Variants in PLEKHM1 observed in about 807,000 individuals in gnomAD.
The protein encoded by PLEKHM1 is pleckstrin homology and RUN domain containing M1, also known as pleckstrin homology domain-containing family M member 1.
PLEKHM1 carries 28 observed loss-of-function variants against 94.3 expected under a neutral mutation model. The ratio of observed to expected loss-of-function variants is 0.30; its 90% CI spans 0.22 to 0.41. The LOEUF is 0.41. PLEKHM1 is among the 10% of genes least tolerant of loss of function. The pLI, the probability that PLEKHM1 is intolerant of heterozygous loss-of-function variation, is 1.00. For missense variants in PLEKHM1, 907 were observed against 1,358.6 expected (o/e 0.67, Z 5.22); for synonymous variants, 424 against 581.2 (o/e 0.73, Z 3.89).
chr17:45,488,751 C>T (rs2052211302), intron 1 of PLEKHM1, among the ~76,000 whole-genome samples: 1 of 152,066 alleles, frequency 6.6e-6, no homozygotes, highest in Non-Finnish European at 1.5e-5. Context: ...CCAGCCTGAT[C>T]AACACAGAGA....
At chr17:45,456,762 G>C (rs1464763935) in intron 6 of PLEKHM1, among the ~76,000 whole-genome samples, 1 of 152,238 alleles carries the variant, frequency 6.6e-6, no homozygotes, top group African/African-American at 2.4e-5. Flanking sequence ...ACCAATTCTA[G>C]AGCGTACTTT....
In PLEKHM1 at chr17:45,453,514, A is replaced by G. The variant is rs1175641697; in HGVS notation, c.2338T>C (p.Leu780=). The G allele has an allele frequency of 1.2e-6, 2 of 1,609,628 alleles. No individual in the cohort carries two copies. The highest frequency in any genetic ancestry group is 1.7e-6 in the Non-Finnish European group (2 of 1,177,800). ...GTCACCGCCTCCTCGGCTGTCTCCA[A>G]GTAGGATGCCAGGACTTTGCGGACC... ...DLVRKVLASY[L]ETAEEAVTLG... is the part of the protein sequence containing the mutation. Residue 780 remains leucine, a synonymous_variant, in exon 7 of 12, where the codon TTG becomes CTG. Transcript: ENST00000430334. This position sits in a 1 kb window ranked among gnomAD's most constrained non-coding sequence, Gnocchi z 4.1.
At chr17:45,479,472 C>A (rs1388193005) in intron 2 of PLEKHM1, among the ~76,000 whole-genome samples, 2 of 149,804 alleles carry the variant, frequency 1.3e-5, no homozygotes, top group Non-Finnish European at 3.0e-5. Flanking sequence ...GAGCCAAGAT[C>A]GCACCACTGC....
In PLEKHM1 at chr17:45,436,802, A is replaced by C. The variant is rs762239592; in HGVS notation, c.*1056T>G. On this transcript the variant is annotated 3_prime_UTR_variant, in exon 12 of 12. Coordinates refer to ENST00000430334, the MANE Select transcript of PLEKHM1 (RefSeq NM_014798.3). The stretch of plus-strand genomic sequence containing the variant: ...GAGGTGGTGGCTGCATCCACAGGGC[A>C]GTTCCCCCGCACGCCCTGCACAGCT... 18 of 453,984 alleles carry C rather than the reference A, an allele frequency of 4.0e-5. No homozygotes were observed. The East Asian group carries it at 1.2e-3, about 30-fold the overall frequency. 28.1% of individuals were successfully genotyped at this position (453,984 alleles called of 1,614,324 possible).
chr17:45,488,903 C>A (rs183191465), intron 1 of PLEKHM1, among the ~76,000 whole-genome samples: 2 of 152,286 alleles, frequency 1.3e-5, no homozygotes, highest in East Asian at 3.9e-4. Context: ...CATGCCACTG[C>A]ACTCCAGGCT....
At chr17:45,484,835 C>G (rs1227740311) in intron 1 of PLEKHM1, among the ~76,000 whole-genome samples, 3 of 151,572 alleles carry the variant, frequency 2.0e-5, no homozygotes, top group Non-Finnish European at 4.4e-5. Context: ...TCCTGGACAG[C>G]CCTGGAGCAG....
chr17:45,473,509 C>T (rs1156716731), intron 4 of PLEKHM1, among the ~76,000 whole-genome samples: 2 of 152,030 alleles, frequency 1.3e-5, no homozygotes, highest in South Asian at 2.1e-4. Context: ...TGTGTATATA[C>T]TGCCTTTGTA....
At chr17:45,435,029 G>A (rs2050226766), downstream of PLEKHM1, among the ~76,000 whole-genome samples, 1 of 150,554 alleles carries the variant, frequency 6.6e-6, no homozygotes, top group Non-Finnish European at 1.5e-5. Flanking sequence ...GGGGCGCTTT[G>A]CTGAGGCTGG....
At chr17:45,487,711 A>G (rs1227261451) in intron 1 of PLEKHM1, 1 of 455,960 alleles carries the variant, frequency 2.2e-6, no homozygotes, top group Non-Finnish European at 4.4e-6. Flanking sequence ...AAAGAGAATG[A>G]CTTGGATGAG....
intron 1 of PLEKHM1, among the ~76,000 whole-genome samples, chr17:45,486,165 C>T (rs1200160571): frequency 6.9e-6 from 1 of 145,046 alleles, no homozygotes; most frequent in Non-Finnish European, 1.5e-5. Flanking sequence ...TGCAGTGAGC[C>T]GAGATCCCGC....
At chr17:45,490,418 C>T (rs2052276926) in intron 1 of PLEKHM1, among the ~76,000 whole-genome samples, 1 of 150,578 alleles carries the variant, frequency 6.6e-6, no homozygotes, top group Non-Finnish European at 1.5e-5. Flanking sequence ...GATGCGGGCG[C>T]GGGCTGGGGG....
intron 1 of PLEKHM1, among the ~76,000 whole-genome samples, chr17:45,485,946 G>A (rs936741857): frequency 2.0e-5 from 3 of 151,214 alleles, no homozygotes; most frequent in African/African-American, 4.9e-5. Context: ...GCATGGCGCC[G>A]TGGCTCACGC....
Position 45,477,980 on chromosome 17 carries a change from T to G in PLEKHM1, c.216A>C (p.Gly72=), listed in dbSNP as rs754277419. ...LHAKHIRAEA[G]GKRKKSAHQK... ...GGTGGGCACTTTTCTTCCTTTTTCC[T>G]CCGGCCTCAGCTCGGATGTGCTTGG... The change falls in exon 3 of 12, where the codon GGA becomes GGC. Residue 72 remains glycine (G), a synonymous_variant. Transcript: ENST00000430334. 1.5e-5 allele frequency: 25 copies of G among 1,613,896 alleles called. No individual in the cohort carries two copies. In the East Asian group the frequency reaches 5.6e-4, roughly 36 times the overall value.
chr17:45,485,355 A>G (rs534749274), intron 1 of PLEKHM1, among the ~76,000 whole-genome samples: 87 of 152,054 alleles, frequency 5.7e-4, no homozygotes, highest in African/African-American at 2.0e-3. Context: ...CCAGTCCACA[A>G]TTTCCAGTGG....
intron 8 of PLEKHM1, among the ~76,000 whole-genome samples, chr17:45,448,709 G>A (rs562820194): frequency 6.6e-6 from 1 of 152,130 alleles, no homozygotes; most frequent in South Asian, 2.1e-4. Flanking sequence ...CACAGACACT[G>A]TTGTTAACCC....
rs900379383 is a variant in PLEKHM1 at position 45,453,213 on chromosome 17, C to T, written c.2497+142G>A. Reference sequence around the variant, plus strand: ...CTGGGGAGGAGCAGAAGCTGTAGGGCAAGCCTGATCTGTGGCCTCATCCCT... The same window carrying T: ...CTGGGGAGGAGCAGAAGCTGTAGGGTAAGCCTGATCTGTGGCCTCATCCCT... On this transcript the variant is annotated intron_variant, in intron 7 of 11. Coordinates refer to ENST00000430334, the MANE Select transcript of PLEKHM1 (RefSeq NM_014798.3). The surrounding 1 kb of genome is among the most constrained non-coding windows in gnomAD (Gnocchi z 4.1). The T allele has an allele frequency of 3.7e-5, 26 of 712,258 alleles. No individual in the cohort carries two copies. In the African/African-American group the frequency reaches 3.7e-4, roughly 10 times the overall value. The allele number at this position is 712,258 out of a possible 1,614,324, so 44.1% of individuals were successfully genotyped here.
chr17:45,483,913 C>A (rs1197407293), intron 1 of PLEKHM1, among the ~76,000 whole-genome samples: 1 of 152,182 alleles, frequency 6.6e-6, no homozygotes, highest in African/African-American at 2.4e-5. Context: ...ATTCTAAGCT[C>A]CCCAACTGCC....
rs114190341 is a variant in PLEKHM1, at chr17:45,446,520, G to A, written c.2644-857C>T. ...AAGCCCCCTCCCCTGCAGTGATCTC[G>A]CTGTATCATAAGGACGGAGGAGCTG... On this transcript the variant is annotated intron_variant, in intron 8 of 11. Coordinates refer to ENST00000430334, the MANE Select transcript of PLEKHM1 (RefSeq NM_014798.3). Among the ~76,000 whole-genome samples, 1,120 of 152,284 alleles carry A rather than the reference G, an allele frequency of 7.4e-3. 9 individuals are homozygous for A. The highest frequency in any genetic ancestry group is 0.021 in the African/African-American group (882 of 41,552).
chr17:45,464,308 T>C (rs1251592216), intron 5 of PLEKHM1, among the ~76,000 whole-genome samples: 1 of 152,236 alleles, frequency 6.6e-6, no homozygotes, highest in East Asian at 1.9e-4. Flanking sequence ...CCTAACATGG[T>C]GCTTGGCTTA....
Sources: gnomAD v4.1 joint callset for allele counts (sites outside exome capture counted in the v4.1 genomes callset) on GRCh38, gnomAD v4.1.1 for gene constraint, Gnocchi (gnomAD v3.1) non-coding constraint, MANE v1.5 for transcripts, NCBI Gene and HGNC (gene_info 2026-07-23, HGNC 2026-07-21) for gene names.